The following SPECC1L variants were observed in gnomAD, a reference collection of about 807,000 sequenced individuals.
SPECC1L encodes sperm antigen with calponin homology and coiled-coil domains 1 like, also known as cytospin-A.
SPECC1L carries 40 observed loss-of-function variants against 116.8 expected under a neutral mutation model. The observed-to-expected ratio is 0.34, with a 90% CI of 0.27 to 0.45. The LOEUF is 0.45. Ranked by LOEUF, SPECC1L falls within the 20% of genes least tolerant of loss-of-function variation. The pLI, the probability that SPECC1L is intolerant of heterozygous loss-of-function variation, is 1.00. For missense variants in SPECC1L, 1,110 were observed against 1,373.6 expected (o/e 0.81, Z 3.03); for synonymous variants, 504 against 500.6 (o/e 1.01, Z -0.09).
intron 11 of SPECC1L, among the ~76,000 whole-genome samples, chr22:24,357,111 A>G (rs1353351237): frequency 1.3e-5 from 2 of 152,056 alleles, no homozygotes; most frequent in African/African-American, 2.4e-5. Flanking sequence ...TCACAGTTTT[A>G]TTTGTCTAAT....
intron 14 of SPECC1L, among the ~76,000 whole-genome samples, chr22:24,391,904 C>G (rs577077656): frequency 6.6e-6 from 1 of 152,196 alleles, no homozygotes; most frequent in Non-Finnish European, 1.5e-5. Context: ...TTTGCCAATG[C>G]TCTTGTTTAG....
intron 2 of SPECC1L, among the ~76,000 whole-genome samples, chr22:24,301,431 A>C (rs930137865): frequency 6.6e-5 from 10 of 152,214 alleles, no homozygotes; most frequent in African/African-American, 2.2e-4. Context: ...CATGAGTTGA[A>C]AATACGTTTA....
At position 24,302,306 on chromosome 22, in the gene SPECC1L, A is replaced by G; in HGVS notation, c.75A>G (p.Lys25=). The part of the protein sequence containing the change: ...SAISKTQTAE[K]IKPENSSSAS... ...TAAGTAAAACGCAAACAGCAGAAAA[A>G]ATTAAACCTGAAAACAGCTCTTCAG... Residue 25 remains lysine, a synonymous_variant, in exon 3 of 17, where the codon AAA becomes AAG. Transcript: ENST00000314328. The G allele has an allele frequency of 1.9e-6, 3 of 1,614,200 alleles. No homozygotes were observed. The highest frequency in any genetic ancestry group is 2.5e-6 in the Non-Finnish European group (3 of 1,180,032).
At chr22:24,366,370 T>A (rs940438379) in intron 13 of SPECC1L, among the ~76,000 whole-genome samples, 3 of 151,968 alleles carry the variant, frequency 2.0e-5, no homozygotes, top group Non-Finnish European at 4.4e-5. Context: ...ATTTTTTGTG[T>A]TTTTAGTAGA....
intron 6 of SPECC1L, among the ~76,000 whole-genome samples, chr22:24,326,489 A>G (rs115954228): frequency 0.025 from 3,741 of 152,240 alleles, 178 homozygotes; most frequent in African/African-American, 0.086. Flanking sequence ...TGCTTTACCC[A>G]AACCAGATTA....
chr22:24,284,026 C>G (rs996221314), intron 2 of SPECC1L, among the ~76,000 whole-genome samples: 8 of 152,040 alleles, frequency 5.3e-5, no homozygotes, highest in African/African-American at 1.9e-4. Context: ...TTTTCTTGAT[C>G]CTCTCAACCC....
intron 2 of SPECC1L, among the ~76,000 whole-genome samples, chr22:24,287,564 C>T (rs1255572694): frequency 6.6e-6 from 1 of 152,168 alleles, no homozygotes; most frequent in Non-Finnish European, 1.5e-5. Flanking sequence ...TTAAAAATGT[C>T]TCTGAAGATT....
In SPECC1L at chr22:24,395,945, C is replaced by T. The variant is rs1319693424; in HGVS notation, c.3088-15643C>T. Among the ~76,000 whole-genome samples, 3 of 152,134 alleles carry T rather than the reference C, an allele frequency of 2.0e-5. No homozygotes were observed. In the East Asian group the frequency reaches 5.8e-4, roughly 29 times the overall value. The stretch of plus-strand genomic sequence containing the variant: ...GGATTACAGGTGTGAGCCACCAAGC[C>T]TGGCCCAGAGAAAATACGGATTAAA... On this transcript the variant is annotated intron_variant, in intron 14 of 16. Coordinates refer to ENST00000314328, the MANE Select transcript of SPECC1L (RefSeq NM_015330.6).
At chr22:24,344,252 A>G (rs1162722616) in intron 10 of SPECC1L, among the ~76,000 whole-genome samples, 1 of 152,168 alleles carries the variant, frequency 6.6e-6, no homozygotes, top group Non-Finnish European at 1.5e-5. Flanking sequence ...AGCAATATAT[A>G]AAAACGACAA....
At chr22:24,304,112 T>C (rs1288895217) in intron 3 of SPECC1L, among the ~76,000 whole-genome samples, 2 of 152,128 alleles carry the variant, frequency 1.3e-5, no homozygotes, top group Non-Finnish European at 2.9e-5. Context: ...CCTGTGCTTC[T>C]CTGGCACCTA....
chr22:24,412,872 T>C lies in SPECC1L; in HGVS notation c.3264+165T>C, dbSNP rs559316558. Among the ~76,000 whole-genome samples, 307 of 151,970 alleles carry C rather than the reference T, an allele frequency of 2.0e-3. 1 individual carries two copies. The highest frequency in any genetic ancestry group is 4.1e-3 in the Admixed American group (63 of 15,234). ...AAGGGAGGGTCCCGTCAAGGGTGGG[T>C]GCAGATGTGGGATCTTGTGTCCTGG... On this transcript the variant is annotated intron_variant, in intron 16 of 16. Transcript: ENST00000314328.
chr22:24,342,821 T>G (rs983537765), intron 10 of SPECC1L, among the ~76,000 whole-genome samples: 1 of 151,812 alleles, frequency 6.6e-6, no homozygotes, highest in Non-Finnish European at 1.5e-5. Flanking sequence ...AATTAAGTGG[T>G]CCTACATACC....
At chr22:24,405,434 G>GC (rs1431680195) in intron 14 of SPECC1L, among the ~76,000 whole-genome samples, 1 of 152,050 alleles carries the variant, frequency 6.6e-6, no homozygotes, top group Non-Finnish European at 1.5e-5. Flanking sequence ...CCAGGTAGGA[G>GC]CAGCCTAGGG....
chr22:24,406,198 A>G (rs1325850484), intron 14 of SPECC1L, among the ~76,000 whole-genome samples: 2 of 152,204 alleles, frequency 1.3e-5, no homozygotes, highest in Non-Finnish European at 2.9e-5. Flanking sequence ...TCCAGACCTC[A>G]TGCAGATGGG....
chr22:24,273,359 T>C (rs2048767435), intron 1 of SPECC1L, among the ~76,000 whole-genome samples: 1 of 152,170 alleles, frequency 6.6e-6, no homozygotes, highest in Non-Finnish European at 1.5e-5. Flanking sequence ...TGGGAGTCTT[T>C]TATACAATTC....
intron 1 of SPECC1L, among the ~76,000 whole-genome samples, chr22:24,275,153 C>A (rs1374344170): frequency 6.6e-6 from 1 of 152,266 alleles, no homozygotes; most frequent in Non-Finnish European, 1.5e-5. Flanking sequence ...GGATTTGGCA[C>A]ACTATGTCTC....
intron 13 of SPECC1L, 81 bp downstream of exon 13, chr22:24,365,713 TG>T: frequency 6.6e-7 from 1 of 1,520,454 alleles, no homozygotes; most frequent in Admixed American, 1.7e-5. Flanking sequence ...TGTAAAATGA[TG>T]GCATTTGAGC....
intron 14 of SPECC1L, among the ~76,000 whole-genome samples, chr22:24,403,078 G>T (rs2042511702): frequency 6.6e-6 from 1 of 152,152 alleles, no homozygotes; most frequent in African/African-American, 2.4e-5. Context: ...GGGTAGAAAG[G>T]ACAGCAAATG....
intron 2 of SPECC1L, among the ~76,000 whole-genome samples, chr22:24,291,628 A>G (rs1449808625): frequency 6.6e-6 from 1 of 151,854 alleles, no homozygotes; most frequent in Non-Finnish European, 1.5e-5. Context: ...CATGCAATAT[A>G]TTCTTCTGTA....
Sources: allele counts gnomAD v4.1 joint callset (sites outside exome capture counted in the v4.1 genomes callset), GRCh38; gene constraint gnomAD v4.1.1; transcripts MANE v1.5; gene names NCBI Gene and HGNC (gene_info 2026-07-23, HGNC 2026-07-21).